Variants in RIPOR3 observed in about 807,000 individuals in gnomAD.
RIPOR3 encodes the protein RIPOR family member 3.
RIPOR3 carries 95 observed loss-of-function variants against 114.3 expected under a neutral mutation model. The observed-to-expected ratio is 0.83, with a 90% CI of 0.70 to 0.99. The LOEUF (loss-of-function observed/expected upper bound fraction) is 0.99. RIPOR3 is among the 50% of genes least tolerant of loss of function. The pLI, the probability that RIPOR3 is intolerant of heterozygous loss-of-function variation, is 0.00. For synonymous variants in RIPOR3, 575 were observed against 543.8 expected (o/e 1.06, Z -0.80); for missense variants, 1,252 against 1,266.9 (o/e 0.99, Z 0.18).
intron 1 of RIPOR3, among the ~76,000 whole-genome samples, chr20:50,662,737 G>C (rs953734412): frequency 6.6e-6 from 1 of 151,962 alleles, no homozygotes; most frequent in Non-Finnish European, 1.5e-5. Flanking sequence ...CTGGTGACAC[G>C]GGGGAAGTCA....
intron 1 of RIPOR3, among the ~76,000 whole-genome samples, chr20:50,676,099 A>G (rs1052924889): frequency 2.0e-5 from 3 of 152,234 alleles, no homozygotes; most frequent in African/African-American, 7.2e-5. Context: ...ACCAGGAAAC[A>G]AGAACCAGTT....
In RIPOR3 at chr20:50,653,641, A is replaced by C. The variant is rs555825249; in HGVS notation, c.4-22785T>G. On this transcript the variant is annotated intron_variant, in intron 1 of 21. Transcript: ENST00000327979. Reference sequence around the variant, plus strand: ...GGTCTCCCTCTGTTGTCCATGCTAGAGTGCAGTGGTGCCATCTTGGCTCAC... The same window carrying C: ...GGTCTCCCTCTGTTGTCCATGCTAGCGTGCAGTGGTGCCATCTTGGCTCAC... Among the ~76,000 whole-genome samples the C allele has an allele frequency of 5.7e-4, 86 of 150,898 alleles. 1 individual carries two copies. Among genetic ancestry groups the C allele is most frequent in the South Asian group, 2.1e-4 (1 of 4,774 alleles).
At position 50,602,383 on chromosome 20, in the gene RIPOR3, G is replaced by C; in HGVS notation, c.1348C>G (p.Pro450Ala). Reference sequence around the variant, plus strand: ...TCTGGCAGGAGACCTGGGGGCAGGGGGTCCTCCCGAGCCTCCTCTTCAATG... The same window carrying C: ...TCTGGCAGGAGACCTGGGGGCAGGGCGTCCTCCCGAGCCTCCTCTTCAATG... ...ASIEEEARED[P>A]LPPGLLPEMA... Residue 450 changes from proline (P) to alanine (A), a missense_variant, in exon 13 of 22, where the codon CCC becomes GCC. Transcript: ENST00000327979. The surrounding 1 kb of genome is among the most constrained non-coding windows in gnomAD (Gnocchi z 4.3). 1 of 1,612,994 alleles carries C rather than the reference G, an allele frequency of 6.2e-7. No homozygotes were observed. The highest frequency in any genetic ancestry group is 8.5e-7 in the Non-Finnish European group (1 of 1,179,748).
Position 50,602,197 on chromosome 20 carries a change from C to T in RIPOR3, c.1534G>A (p.Gly512Arg), listed in dbSNP as rs752844500. The T allele has an allele frequency of 3.5e-5, 56 of 1,613,520 alleles. No homozygotes were observed. Among genetic ancestry groups the T allele is most frequent in the Admixed American group, 1.0e-4 (6 of 59,990 alleles). The change falls in exon 13 of 22, where the codon GGG becomes AGG. Residue 512 changes from glycine to arginine, a missense_variant. Transcript: ENST00000327979. This position sits in a 1 kb window ranked among gnomAD's most constrained non-coding sequence, Gnocchi z 4.3. Reference sequence around the variant, plus strand: ...GGCCCCTCGAGGGCCACGCCAGGCCCGTCCTCTCTGTCCCCGGTTGCCCCT... The same window carrying T: ...GGCCCCTCGAGGGCCACGCCAGGCCTGTCCTCTCTGTCCCCGGTTGCCCCT... ...EEGATGDRED[G>R]PGVALEGPLQ...
intron 2 of RIPOR3, among the ~76,000 whole-genome samples, chr20:50,622,244 C>G (rs1415538208): frequency 1.3e-5 from 2 of 150,374 alleles, no homozygotes; most frequent in African/African-American, 4.9e-5. Flanking sequence ...TGCAATGGTG[C>G]AATCTCGGCT....
chr20:50,665,139 A>C (rs2086139300), intron 1 of RIPOR3, among the ~76,000 whole-genome samples: 1 of 151,416 alleles, frequency 6.6e-6, no homozygotes, highest in Non-Finnish European at 1.5e-5. Context: ...AACAAACAAA[A>C]AAACCCCATG....
intron 1 of RIPOR3, among the ~76,000 whole-genome samples, chr20:50,635,330 C>A (rs1470990773): frequency 6.6e-6 from 1 of 152,146 alleles, no homozygotes. Context: ...GAGACAAGTA[C>A]TATTACTATC....
chr20:50,621,310 G>T lies in RIPOR3; in HGVS notation c.123-1178C>A, dbSNP rs574466687. On this transcript the variant is annotated intron_variant, in intron 2 of 21. Transcript: ENST00000327979. ...GGGGCAGCATCTGTTGGCTTTACCT[G>T]CCCAGCATCCATCCCCTCCCTCTAG... 1.7e-4 allele frequency among the ~76,000 whole-genome samples: 26 copies of T among 152,262 alleles called. No individual in the cohort carries two copies. The South Asian group carries it at 5.4e-3, about 32-fold the overall frequency.
In RIPOR3 at chr20:50,609,142, G is replaced by A; in HGVS notation, c.640+151C>T. On this transcript the variant is annotated intron_variant, in intron 8 of 21. Transcript: ENST00000327979. ...GGGCCCTCACACCAGGCTCAGAGAG[G>A]GGTGGGACTTGCCAGAAGTCACATG... The A allele has an allele frequency of 2.5e-5, 31 of 1,230,946 alleles. 2 individuals are homozygous for A. The South Asian group carries it at 4.1e-4, about 16-fold the overall frequency. 76.3% of individuals were successfully genotyped at this position (1,230,946 alleles called of 1,614,324 possible). A position where few individuals can be genotyped will look rare whatever the true frequency, so the allele number is the denominator to read the frequency against.
At chr20:50,647,339 G>C (rs1023953450) in intron 1 of RIPOR3, among the ~76,000 whole-genome samples, 2 of 151,974 alleles carry the variant, frequency 1.3e-5, no homozygotes, top group Non-Finnish European at 2.9e-5. Context: ...AAAAAGAAAA[G>C]TGACGTCTGG....
At chr20:50,652,036 TCCC>T in intron 1 of RIPOR3, among the ~76,000 whole-genome samples, 1 of 152,318 alleles carries the variant, frequency 6.6e-6, no homozygotes, top group East Asian at 1.9e-4. Flanking sequence ...TGAGTGGAGC[TCCC>T]TCCTCAAGAC....
intron 1 of RIPOR3, among the ~76,000 whole-genome samples, chr20:50,685,735 T>C (rs73615323): frequency 1.4e-5 from 2 of 147,502 alleles, no homozygotes; most frequent in Non-Finnish European, 3.0e-5. Context: ...GCAGGAGAAT[T>C]TCTTGAACCT....
intron 1 of RIPOR3, among the ~76,000 whole-genome samples, chr20:50,643,711 T>TTC (rs2085288624): frequency 2.4e-5 from 2 of 84,544 alleles, no homozygotes; most frequent in African/African-American, 9.3e-5. Context: ...TCTTTCTTTT[T>TTC]TTTTTTTTTT....
chr20:50,604,700 G>A lies in RIPOR3; in HGVS notation c.1031C>T (p.Ser344Phe). The part of the protein sequence containing the change: ...GKFSMGSRKG[S>F]LYNWTPPSTP... Reference sequence around the variant, plus strand: ...GCTCGGGGGTGTCCAGTTGTACAAGGAGCCCTTCCTGCTGCCCATAGAAAA... The same window carrying A: ...GCTCGGGGGTGTCCAGTTGTACAAGAAGCCCTTCCTGCTGCCCATAGAAAA... The change falls in exon 12 of 22, where the codon TCC becomes TTC. Residue 344 changes from serine to phenylalanine, a missense_variant. Ser to Phe is a radical substitution (Grantham distance 155). Transcript: ENST00000327979. 6.2e-7 allele frequency: 1 copy of A among 1,609,418 alleles called. No individual in the cohort carries two copies. The highest frequency in any genetic ancestry group is 8.5e-7 in the Non-Finnish European group (1 of 1,178,410).
chr20:50,658,437 G>A (rs2085888219), intron 1 of RIPOR3, among the ~76,000 whole-genome samples: 1 of 152,200 alleles, frequency 6.6e-6, no homozygotes, highest in African/African-American at 2.4e-5. Flanking sequence ...ACTGAGCGAG[G>A]TGGCTCACAC....
intron 2 of RIPOR3, among the ~76,000 whole-genome samples, chr20:50,623,177 C>G (rs572362445): frequency 6.6e-6 from 1 of 150,658 alleles, no homozygotes; most frequent in East Asian, 2.0e-4. Context: ...AGGAGAATCA[C>G]TTGAACCGGG....
intron 1 of RIPOR3, among the ~76,000 whole-genome samples, chr20:50,651,248 G>C (rs1185643858): frequency 6.6e-6 from 1 of 152,172 alleles, no homozygotes. Flanking sequence ...GAAGGAAATG[G>C]GGACCTCAGT....
chr20:50,610,037 A>T (rs1346179910), intron 6 of RIPOR3, among the ~76,000 whole-genome samples: 14 of 35,254 alleles, frequency 4.0e-4, no homozygotes, highest in South Asian at 2.1e-3. Context: ...CTCACCTGCC[A>T]CCCCTGCCTC....
At chr20:50,631,670 C>A (rs1363878324) in intron 1 of RIPOR3, among the ~76,000 whole-genome samples, 1 of 152,200 alleles carries the variant, frequency 6.6e-6, no homozygotes, top group Non-Finnish European at 1.5e-5. Context: ...CTGCTGGTGT[C>A]AAGGGCTGCT....
Sources: gnomAD v4.1 joint callset for allele counts (sites outside exome capture counted in the v4.1 genomes callset) on GRCh38, gnomAD v4.1.1 for gene constraint, Gnocchi (gnomAD v3.1) non-coding constraint, MANE v1.5 for transcripts, NCBI Gene and HGNC (gene_info 2026-07-23, HGNC 2026-07-21) for gene names.